Variants in GPR137C observed in about 807,000 individuals in gnomAD.
GPR137C encodes the protein integral membrane protein GPR137C.
In GPR137C, 27 loss-of-function variants were observed where a neutral mutation model predicts 43.4. That is an observed-to-expected ratio of 0.62 (90% CI 0.46 to 0.86). The LOEUF is 0.86. Among genes scored for constraint, GPR137C ranks in the 40% least tolerant of loss-of-function variants. The probability of loss-of-function intolerance (pLI) is 0.00; values close to 1 mark genes in which losing one functional copy is unlikely to be tolerated. For missense variants in GPR137C, 522 were observed against 534.6 expected (o/e 0.98, Z 0.23); for synonymous variants, 285 against 226.9 (o/e 1.26, Z -2.30).
chr14:52,578,145 G>A (rs888159907), intron 1 of GPR137C, among the ~76,000 whole-genome samples: 3 of 152,090 alleles, frequency 2.0e-5, no homozygotes, highest in Non-Finnish European at 2.9e-5. Context: ...TCATAGTGAT[G>A]TATCTTCAAA....
At chr14:52,558,012 C>T (rs1345824420) in intron 1 of GPR137C, among the ~76,000 whole-genome samples, 1 of 151,778 alleles carries the variant, frequency 6.6e-6, no homozygotes, top group Non-Finnish European at 1.5e-5. Context: ...GCCAGGTCAT[C>T]TGGCCTACCA....
chr14:52,566,942 ACT>A (rs1481380571), intron 1 of GPR137C, among the ~76,000 whole-genome samples: 8 of 151,936 alleles, frequency 5.3e-5, no homozygotes, highest in African/African-American at 1.9e-4. Context: ...TAAAACCCTG[ACT>A]CTACTAAAAA....
In GPR137C at chr14:52,635,011, C is replaced by T; in HGVS notation, c.1186C>T (p.Pro396Ser). The T allele has an allele frequency of 6.2e-7, 1 of 1,612,596 alleles. No individual in the cohort carries two copies. Residue 396 changes from proline to serine, a missense_variant, in exon 7 of 7, where the codon CCC becomes TCC. Pro to Ser is a moderately conservative substitution (Grantham distance 74, BLOSUM62 -1). Coordinates refer to ENST00000321662, the MANE Select transcript of GPR137C (RefSeq NM_001099652.2). ...GCGSSSYTVT[P>S]HLNGPMTDTA... Reference sequence around the variant, plus strand: ...TGGCAGCAGCAGTTACACAGTCACTCCCCACCTGAATGGACCTATGACAGA... The same window carrying T: ...TGGCAGCAGCAGTTACACAGTCACTTCCCACCTGAATGGACCTATGACAGA...
chr14:52,606,884 ATTGT>A (rs1566619409), intron 3 of GPR137C, among the ~76,000 whole-genome samples: 3 of 150,972 alleles, frequency 2.0e-5, no homozygotes, highest in Non-Finnish European at 4.4e-5. Flanking sequence ...ACATTATTAG[ATTGT>A]TTATTTGTCT....
intron 3 of GPR137C, among the ~76,000 whole-genome samples, chr14:52,604,439 T>A (rs1410595107): frequency 1.3e-5 from 2 of 151,446 alleles, no homozygotes; most frequent in African/African-American, 4.8e-5. Flanking sequence ...TGGTGAGAGA[T>A]GGGGCTTTTT....
intron 1 of GPR137C, among the ~76,000 whole-genome samples, chr14:52,574,644 A>G (rs1270015096): frequency 6.6e-6 from 1 of 152,188 alleles, no homozygotes; most frequent in Non-Finnish European, 1.5e-5. Flanking sequence ...GCAAACCACC[A>G]TGGCACATGT....
chr14:52,555,050 T>TA (rs2038171726), intron 1 of GPR137C, among the ~76,000 whole-genome samples: 4 of 152,030 alleles, frequency 2.6e-5, no homozygotes, highest in Admixed American at 2.6e-4. Flanking sequence ...ATAACACTTC[T>TA]ACCCTTTATA....
chr14:52,590,948 A>T (rs989075447), intron 1 of GPR137C, among the ~76,000 whole-genome samples: 1 of 152,132 alleles, frequency 6.6e-6, no homozygotes, highest in Non-Finnish European at 1.5e-5. Flanking sequence ...GGACATTTAC[A>T]TTAGCTATTT....
At position 52,635,167 on chromosome 14, in the gene GPR137C, C is replaced by T; in HGVS notation, c.*52C>T. 1 of 1,381,610 alleles carries T rather than the reference C, an allele frequency of 7.2e-7. No individual in the cohort carries two copies. Among genetic ancestry groups the T allele is most frequent in the Non-Finnish European group, 9.7e-7 (1 of 1,028,196 alleles). 85.6% of individuals were successfully genotyped at this position (1,381,610 alleles called of 1,614,324 possible). A position where few individuals can be genotyped will look rare whatever the true frequency, so the allele number is the denominator to read the frequency against. On this transcript the variant is annotated 3_prime_UTR_variant, in exon 7 of 7. Coordinates refer to ENST00000321662, the MANE Select transcript of GPR137C (RefSeq NM_001099652.2). ...GTTGTTTTTCATAAATGTGTATATT[C>T]AATGTGTTTAAATTCCATCTACATA... is the stretch of plus-strand genomic sequence containing the variant.
At position 52,600,345 on chromosome 14, in the gene GPR137C, A is replaced by G; in HGVS notation, c.717+4A>G. The G allele has an allele frequency of 2.0e-6, 3 of 1,500,914 alleles. No individual in the cohort carries two copies. The South Asian group carries it at 3.5e-5, about 17-fold the overall frequency. 93.0% of individuals were successfully genotyped at this position (1,500,914 alleles called of 1,614,324 possible). On this transcript the variant is annotated splice_donor_region_variant and intron_variant, in intron 3 of 6. Transcript: ENST00000321662. ...TAATGTCTACCTCGAATCAAAGGTA[A>G]GAATATTTCTTAAATTGGCACTTGA...
intron 3 of GPR137C, among the ~76,000 whole-genome samples, chr14:52,625,355 A>C (rs1227853415): frequency 1.3e-5 from 2 of 150,190 alleles, no homozygotes; most frequent in East Asian, 4.1e-4. Context: ...GGTGGCGCGC[A>C]CCTGTACTCG....
rs1219844780 is a variant in GPR137C at position 52,632,179 on chromosome 14, C to G, written c.737C>G (p.Thr246Ser). 3 of 1,606,120 alleles carry G rather than the reference C, an allele frequency of 1.9e-6. No individual in the cohort carries two copies. The Admixed American group carries it at 5.0e-5, about 27-fold the overall frequency. The change falls in exon 4 of 7, where the codon ACT (threonine) becomes AGT (serine). Residue 246 changes from threonine (T) to serine (S), a missense_variant. Physicochemically the swap from Thr to Ser is moderately conservative, Grantham distance 58. Coordinates refer to ENST00000321662, the MANE Select transcript of GPR137C (RefSeq NM_001099652.2). ...TTTTAGGGTATGTCTCTGTGCCAGA[C>G]TGTCGTCGTGGGCTCTGTAGTCATT... ...LESKGMSLCQ[T>S]VVVGSVVILL...
Position 52,619,350 on chromosome 14 carries a change from C to T in GPR137C, c.718-12810C>T, listed in dbSNP as rs547723156. ...AGAGTGATGGTAGAAAAATACAGAC[C>T]GCATTATCCCCTGTAATATAGATAG... On this transcript the variant is annotated intron_variant, in intron 3 of 6. Coordinates refer to ENST00000321662, the MANE Select transcript of GPR137C (RefSeq NM_001099652.2). Among the ~76,000 whole-genome samples, 19 of 152,098 alleles carry T rather than the reference C, an allele frequency of 1.2e-4. No individual in the cohort carries two copies. In the South Asian group the frequency reaches 2.5e-3, roughly 20 times the overall value.
rs1413366254 is a variant in GPR137C at position 52,637,594 on chromosome 14, A to T, written c.*2479A>T. On this transcript the variant is annotated 3_prime_UTR_variant, in exon 7 of 7. Transcript: ENST00000321662. Reference sequence around the variant, plus strand: ...TATTGTTTAACAGTGTTTCTCAGCTATATAATCAGTTTCAAACTGGTTGTA... The same window carrying T: ...TATTGTTTAACAGTGTTTCTCAGCTTTATAATCAGTTTCAAACTGGTTGTA... 1 of 152,174 alleles carries T rather than the reference A, an allele frequency of 6.6e-6. No individual in the cohort carries two copies. The highest frequency in any genetic ancestry group is 1.9e-4 in the East Asian group (1 of 5,202). The allele number at this position is 152,174 out of a possible 1,614,324, so 9.4% of individuals were successfully genotyped here.
At chr14:52,573,938 A>G (rs1003595188) in intron 1 of GPR137C, among the ~76,000 whole-genome samples, 2 of 151,970 alleles carry the variant, frequency 1.3e-5, no homozygotes, top group African/African-American at 4.8e-5. Flanking sequence ...TCAAAAGAAG[A>G]CATTTATGTG....
At chr14:52,601,523 GAGA>G (rs1259223523) in intron 3 of GPR137C, among the ~76,000 whole-genome samples, 52 of 151,120 alleles carry the variant, frequency 3.4e-4, no homozygotes, top group African/African-American at 1.2e-3. Context: ...GAGAGAGAGA[GAGA>G]AGAGAAGAGA....
intron 1 of GPR137C, among the ~76,000 whole-genome samples, chr14:52,582,571 A>G (rs2038662006): frequency 6.6e-6 from 1 of 152,226 alleles, no homozygotes; most frequent in Non-Finnish European, 1.5e-5. Context: ...AGGCGGGCAG[A>G]TCACCTGAAT....
intron 1 of GPR137C, among the ~76,000 whole-genome samples, chr14:52,565,551 T>C (rs1484855089): frequency 1.3e-5 from 2 of 152,202 alleles, no homozygotes; most frequent in Non-Finnish European, 2.9e-5. Flanking sequence ...ATTTTACATT[T>C]ATTTCAAAAG....
At chr14:52,576,987 C>T (rs1200569864) in intron 1 of GPR137C, among the ~76,000 whole-genome samples, 1 of 151,762 alleles carries the variant, frequency 6.6e-6, no homozygotes, top group Non-Finnish European at 1.5e-5. Context: ...GTCAGGAGTT[C>T]GAGACCAGCC....
Sources: gnomAD v4.1 joint callset for allele counts (sites outside exome capture counted in the v4.1 genomes callset) on GRCh38, gnomAD v4.1.1 for gene constraint, MANE v1.5 for transcripts, NCBI Gene and HGNC (gene_info 2026-07-23, HGNC 2026-07-21) for gene names.